The following DNAJC6 variants were observed in gnomAD, a reference collection of about 807,000 sequenced individuals.
The protein encoded by DNAJC6 is auxilin.
Under a neutral mutation model 110.0 loss-of-function variants are expected in DNAJC6, and 34 were observed. The ratio of observed to expected loss-of-function variants is 0.31; its 90% CI spans 0.24 to 0.41. DNAJC6 has a LOEUF of 0.41. DNAJC6 is among the 10% of genes least tolerant of loss of function. The pLI is 1.00. For synonymous variants in DNAJC6, 406 were observed against 437.2 expected (o/e 0.93, Z 0.89); for missense variants, 1,031 against 1,207.8 (o/e 0.85, Z 2.17).
chr1:65,324,513 C>G (rs1269443098), intron 1 of DNAJC6, among the ~76,000 whole-genome samples: 2 of 152,062 alleles, frequency 1.3e-5, no homozygotes, highest in African/African-American at 4.8e-5. Context: ...CACCCACCAC[C>G]ATGGTTGGCT....
At chr1:65,309,494 C>T (rs989287585), upstream of DNAJC6, 50 of 1,159,156 alleles carry the variant, frequency 4.3e-5, no homozygotes, top group African/African-American at 8.2e-4. Context: ...AGGACGCGCG[C>T]CCCCGCCCGG....
At chr1:65,282,627 G>C (rs1435426063) in intron 1 of DNAJC6, among the ~76,000 whole-genome samples, 1 of 152,184 alleles carries the variant, frequency 6.6e-6, no homozygotes, top group Non-Finnish European at 1.5e-5. Context: ...AACAACAGAT[G>C]TCAGGTGTAC....
At chr1:65,346,197 C>T (rs1033616352) in intron 1 of DNAJC6, among the ~76,000 whole-genome samples, 1 of 152,084 alleles carries the variant, frequency 6.6e-6, no homozygotes, top group Non-Finnish European at 1.5e-5. Flanking sequence ...ATTGGAAGTG[C>T]CTACTAATAC....
intron 14 of DNAJC6, among the ~76,000 whole-genome samples, chr1:65,399,335 G>A (rs539828411): frequency 6.6e-6 from 1 of 152,136 alleles, no homozygotes; most frequent in Non-Finnish European, 1.5e-5. Context: ...TCTTTACAAA[G>A]TACTTACTTC....
rs914426864 is a variant in DNAJC6 at position 65,329,742 on chromosome 1, T to A, written c.193+19804T>A. On this transcript the variant is annotated intron_variant, in intron 1 of 18. Coordinates refer to ENST00000371069, the MANE Select transcript of DNAJC6 (RefSeq NM_001256864.2). ...CCTGATTCTTCCAAGACTTAGAACA[T>A]CCTCTAGGGACCTGTATCCAAGTCT... 2.0e-5 allele frequency among the ~76,000 whole-genome samples: 3 copies of A among 152,286 alleles called. No homozygotes were observed. The South Asian group carries it at 6.2e-4, about 32-fold the overall frequency.
At chr1:65,307,597 A>G (rs1315007293), upstream of DNAJC6, among the ~76,000 whole-genome samples, 2 of 152,150 alleles carry the variant, frequency 1.3e-5, no homozygotes, top group Non-Finnish European at 2.9e-5. Context: ...TATTAATCCA[A>G]TGATTATAGT....
intron 4 of DNAJC6, among the ~76,000 whole-genome samples, chr1:65,372,896 C>T (rs1384697158): frequency 6.6e-6 from 1 of 151,872 alleles, no homozygotes; most frequent in African/African-American, 2.4e-5. Context: ...ATATAATGTA[C>T]CATTTTTACC....
chr1:65,392,850 C>T lies in DNAJC6; in HGVS notation c.1888C>T (p.Leu630=). The stretch of plus-strand genomic sequence containing the variant: ...CACCTCCACCTCTGCGTCTCCAACC[C>T]TAAGAGTGGGAGAAGGTAATTTTTT... ...SATSTSASPT[L]RVGEGATFDP... Residue 630 remains leucine (L), a synonymous_variant, in exon 12 of 19, where the codon CTA becomes TTA. Transcript: ENST00000371069. 1 of 1,521,348 alleles carries T rather than the reference C, an allele frequency of 6.6e-7. No individual in the cohort carries two copies. The highest frequency in any genetic ancestry group is 1.4e-5 in the African/African-American group (1 of 72,032). The allele number at this position is 1,521,348 out of a possible 1,614,324, so 94.2% of individuals were successfully genotyped here.
chr1:65,298,116 C>G (rs988827044), intron 1 of DNAJC6, among the ~76,000 whole-genome samples: 3 of 152,122 alleles, frequency 2.0e-5, no homozygotes, highest in Non-Finnish European at 4.4e-5. Context: ...ATTCAGTTGG[C>G]TCTGTGTGAA....
In DNAJC6 at chr1:65,415,271, A is replaced by G. The variant is rs1646160401; in HGVS notation, c.*2246A>G. Reference sequence around the variant, plus strand: ...TTTGTAATGTATATTAAAAGGTTCAAAAATATTTGTATAAATCTAAGTTAT... The same window carrying G: ...TTTGTAATGTATATTAAAAGGTTCAGAAATATTTGTATAAATCTAAGTTAT... On this transcript the variant is annotated 3_prime_UTR_variant, in exon 19 of 19. Transcript: ENST00000371069. The G allele has an allele frequency of 6.6e-6, 1 of 152,216 alleles. No individual in the cohort carries two copies. The highest frequency in any genetic ancestry group is 1.5e-5 in the Non-Finnish European group (1 of 68,030). The allele number at this position is 152,216 out of a possible 1,614,324, so 9.4% of individuals were successfully genotyped here.
At chr1:65,390,908 G>A (rs1035959061) in intron 11 of DNAJC6, among the ~76,000 whole-genome samples, 17 of 152,114 alleles carry the variant, frequency 1.1e-4, no homozygotes, top group African/African-American at 3.4e-4. Context: ...CTCACAGCGA[G>A]GGCTTTTAAT....
rs528034785 is a variant in DNAJC6, at chr1:65,349,869, T to C, written c.194-14766T>C. 3.9e-5 allele frequency among the ~76,000 whole-genome samples: 6 copies of C among 152,272 alleles called. No individual in the cohort carries two copies. The East Asian group carries it at 1.2e-3, about 29-fold the overall frequency. The stretch of plus-strand genomic sequence containing the variant: ...TTAACCAGGGACAATGTTGGTTCTC[T>C]AGGAAACGTTTGGCAATGTTTGGAG... On this transcript the variant is annotated intron_variant, in intron 1 of 18. Coordinates refer to ENST00000371069, the MANE Select transcript of DNAJC6 (RefSeq NM_001256864.2).
chr1:65,316,797 G>T (rs768033587), intron 1 of DNAJC6, among the ~76,000 whole-genome samples: 7 of 152,150 alleles, frequency 4.6e-5, no homozygotes, highest in Non-Finnish European at 7.3e-5. Context: ...AAGAAAGATG[G>T]TTAATATATA....
chr1:65,400,716 T>C (rs1646022870), intron 14 of DNAJC6, among the ~76,000 whole-genome samples: 1 of 152,248 alleles, frequency 6.6e-6, no homozygotes, highest in African/African-American at 2.4e-5. Context: ...CATATTTTAT[T>C]TATCCATTCA....
chr1:65,405,778 A>G (rs2101634785), intron 15 of DNAJC6, 92 bp from the exon 16 acceptor site: 1 of 1,432,116 alleles, frequency 7.0e-7, no homozygotes, highest in Admixed American at 2.4e-5. Flanking sequence ...CAAGGGAATG[A>G]CTATTAAAGC....
intron 1 of DNAJC6, among the ~76,000 whole-genome samples, chr1:65,363,796 A>G (rs1645620265): frequency 6.6e-6 from 1 of 152,144 alleles, no homozygotes; most frequent in Non-Finnish European, 1.5e-5. Flanking sequence ...TGAGATTGAG[A>G]AGCCCTGGAC....
At chr1:65,370,691 G>T (rs550962314) in intron 4 of DNAJC6, among the ~76,000 whole-genome samples, 8 of 152,110 alleles carry the variant, frequency 5.3e-5, no homozygotes, top group African/African-American at 1.9e-4. Context: ...CAGCCCAGCT[G>T]GTTGTTTTAG....
At chr1:65,308,338 G>A (rs1570255788), upstream of DNAJC6, among the ~76,000 whole-genome samples, 1 of 152,138 alleles carries the variant, frequency 6.6e-6, no homozygotes, top group Admixed American at 6.5e-5. Context: ...CTTGACGGGC[G>A]CCTCACTTAG....
chr1:65,364,849 C>CT, intron 2 of DNAJC6, 64 bp downstream of exon 2: 1 of 1,579,958 alleles, frequency 6.3e-7, no homozygotes, highest in Non-Finnish European at 8.6e-7. Flanking sequence ...TGGTTACCTG[C>CT]TGACTGCTTG....
Sources: allele counts gnomAD v4.1 joint callset (sites outside exome capture counted in the v4.1 genomes callset), GRCh38; gene constraint gnomAD v4.1.1; transcripts MANE v1.5; gene names NCBI Gene and HGNC (gene_info 2026-07-23, HGNC 2026-07-21).